Variants in TRAPPC9 observed in about 807,000 individuals in gnomAD.
TRAPPC9 encodes the protein IKK2 binding protein.
TRAPPC9 carries 83 observed loss-of-function variants against 124.0 expected under a neutral mutation model. That is an observed-to-expected ratio of 0.67 (90% CI 0.56 to 0.80). The LOEUF (loss-of-function observed/expected upper bound fraction) is 0.80. Ranked by LOEUF, TRAPPC9 falls within the 30% of genes least tolerant of loss-of-function variation. The probability of loss-of-function intolerance (pLI) is 0.00; values close to 1 mark genes in which losing one functional copy is unlikely to be tolerated. For missense variants in TRAPPC9, 1,302 were observed against 1,508.3 expected (o/e 0.86, Z 2.27); for synonymous variants, 638 against 617.5 (o/e 1.03, Z -0.49).
At chr8:140,118,694 T>G (rs2060933015) in intron 17 of TRAPPC9, among the ~76,000 whole-genome samples, 1 of 152,168 alleles carries the variant, frequency 6.6e-6, no homozygotes, top group South Asian at 2.1e-4. Context: ...CCTGTCATGA[T>G]GTGAACTGGG....
At chr8:140,354,492 A>G (rs976404541) in intron 9 of TRAPPC9, among the ~76,000 whole-genome samples, 1 of 152,210 alleles carries the variant, frequency 6.6e-6, no homozygotes, top group African/African-American at 2.4e-5. Context: ...CTAATAACGT[A>G]TCTTGTAGGT....
intron 9 of TRAPPC9, among the ~76,000 whole-genome samples, chr8:140,320,596 T>A (rs1359939791): frequency 6.6e-6 from 1 of 152,190 alleles, no homozygotes; most frequent in Non-Finnish European, 1.5e-5. Flanking sequence ...CACCCGGTTA[T>A]CGGGACCAAC....
intron 9 of TRAPPC9, among the ~76,000 whole-genome samples, chr8:140,321,785 T>G (rs1358040150): frequency 6.6e-6 from 1 of 152,184 alleles, no homozygotes. Flanking sequence ...ACACTGAGGC[T>G]GAGGGCAGGC....
intron 9 of TRAPPC9, among the ~76,000 whole-genome samples, chr8:140,358,392 A>T (rs1295239968): frequency 6.6e-6 from 1 of 152,102 alleles, no homozygotes; most frequent in Non-Finnish European, 1.5e-5. Flanking sequence ...TTTTTAGTAG[A>T]CACGGGGTTT....
At chr8:139,944,047 ATAATCT>A (rs1290578898) in intron 19 of TRAPPC9, among the ~76,000 whole-genome samples, 1 of 152,238 alleles carries the variant, frequency 6.6e-6, no homozygotes, top group Admixed American at 6.5e-5. Context: ...ACATAAATGT[ATAATCT>A]TAAGAACTTT....
intron 19 of TRAPPC9, among the ~76,000 whole-genome samples, chr8:139,914,292 T>A (rs1032646922): frequency 7.9e-5 from 12 of 152,182 alleles, no homozygotes; most frequent in Non-Finnish European, 2.9e-5. Flanking sequence ...GCTGAGAGGC[T>A]CACAGGGAGA....
At chr8:139,850,519 T>G (rs2130927477) in intron 21 of TRAPPC9, among the ~76,000 whole-genome samples, 1 of 152,356 alleles carries the variant, frequency 6.6e-6, no homozygotes, top group South Asian at 2.1e-4. Context: ...GTCATCATAA[T>G]TGTTAAAGGA....
intron 21 of TRAPPC9, among the ~76,000 whole-genome samples, chr8:139,737,031 A>G (rs947274671): frequency 6.6e-6 from 1 of 152,224 alleles, no homozygotes; most frequent in Non-Finnish European, 1.5e-5. Context: ...AAATTTCTCA[A>G]AGACAAGCTG....
At chr8:139,917,234 C>T (rs886569575) in intron 19 of TRAPPC9, among the ~76,000 whole-genome samples, 3 of 130,160 alleles carry the variant, frequency 2.3e-5, no homozygotes, top group African/African-American at 6.2e-5. Flanking sequence ...AGTGCAGTGG[C>T]GCGATCTCGG....
intron 19 of TRAPPC9, among the ~76,000 whole-genome samples, chr8:139,980,035 C>T (rs1563660956): frequency 8.6e-6 from 1 of 115,694 alleles, no homozygotes; most frequent in Admixed American, 8.7e-5. Context: ...TTTCTGTCTA[C>T]GATTCCTGCA....
chr8:139,915,349 C>T (rs906054902), intron 19 of TRAPPC9, among the ~76,000 whole-genome samples: 6 of 152,106 alleles, frequency 3.9e-5, no homozygotes, highest in Non-Finnish European at 5.9e-5. Flanking sequence ...TGGGTTCAAG[C>T]GATTCTCGTG....
At chr8:140,349,462 G>A (rs568408017) in intron 9 of TRAPPC9, among the ~76,000 whole-genome samples, 4 of 151,440 alleles carry the variant, frequency 2.6e-5, no homozygotes, top group South Asian at 2.1e-4. Flanking sequence ...GCACACAGGG[G>A]GGCCGAAGGG....
chr8:140,101,941 C>T (rs1240782411), intron 17 of TRAPPC9, among the ~76,000 whole-genome samples: 1 of 151,112 alleles, frequency 6.6e-6, no homozygotes, highest in African/African-American at 2.4e-5. Context: ...ATATTTATTT[C>T]ATGATGTTCT....
At chr8:140,343,815 A>G (rs971930548) in intron 9 of TRAPPC9, among the ~76,000 whole-genome samples, 1 of 152,126 alleles carries the variant, frequency 6.6e-6, no homozygotes, top group Non-Finnish European at 1.5e-5. Context: ...TAAATTCTGA[A>G]GATTTTCTTT....
chr8:139,821,835 G>A (rs1466677373), intron 21 of TRAPPC9, among the ~76,000 whole-genome samples: 1 of 152,218 alleles, frequency 6.6e-6, no homozygotes, highest in Non-Finnish European at 1.5e-5. Flanking sequence ...TGCCATAATA[G>A]CCTGGTAAAT....
At chr8:139,764,282 G>T (rs1043646724) in intron 21 of TRAPPC9, among the ~76,000 whole-genome samples, 4 of 152,156 alleles carry the variant, frequency 2.6e-5, no homozygotes, top group Admixed American at 1.3e-4. Context: ...CTGTAGCAGG[G>T]GCAGTGAAAT....
In TRAPPC9 at chr8:140,173,842, G is replaced by A. The variant is rs1029278625; in HGVS notation, c.2556+47617C>T. ...ATATGTCCAGTAGTCAGACTAGAACGTGCTTCAGTCTTGGCTCCACCTGCT... is the reference window on the plus strand; with the variant it reads ...ATATGTCCAGTAGTCAGACTAGAACATGCTTCAGTCTTGGCTCCACCTGCT... On this transcript the variant is annotated intron_variant, in intron 17 of 22. Transcript: ENST00000438773. Among the ~76,000 whole-genome samples the A allele has an allele frequency of 3.7e-4, 57 of 152,318 alleles. 1 individual carries two copies. The highest frequency in any genetic ancestry group is 1.3e-3 in the African/African-American group (52 of 41,566).
chr8:139,827,825 C>T (rs1417218755), intron 21 of TRAPPC9, among the ~76,000 whole-genome samples: 1 of 152,166 alleles, frequency 6.6e-6, no homozygotes, highest in Admixed American at 6.5e-5. Flanking sequence ...GAGCATGGTA[C>T]TGGCATCTGC....
At chr8:139,965,172 C>T (rs1296853193) in intron 19 of TRAPPC9, among the ~76,000 whole-genome samples, 3 of 152,210 alleles carry the variant, frequency 2.0e-5, no homozygotes, top group Admixed American at 2.0e-4. Context: ...GATGACGGCC[C>T]ATTCATCTGC....
Sources: allele counts gnomAD v4.1 joint callset (sites outside exome capture counted in the v4.1 genomes callset), GRCh38; gene constraint gnomAD v4.1.1; transcripts MANE v1.5; gene names NCBI Gene and HGNC (gene_info 2026-07-23, HGNC 2026-07-21).